Variants in DCP1B observed in about 807,000 individuals in gnomAD.
The protein encoded by DCP1B is decapping mRNA 1B.
A neutral mutation model predicts 60.5 loss-of-function variants in DCP1B; 47 were observed. The observed-to-expected ratio is 0.78, with a 90% CI of 0.61 to 0.99. The LOEUF (loss-of-function observed/expected upper bound fraction) is 0.99. Among genes scored for constraint, DCP1B ranks in the 50% least tolerant of loss-of-function variants. The pLI is 0.00. For synonymous variants in DCP1B, 267 were observed against 280.3 expected, an observed-to-expected ratio of 0.95 and a Z score of 0.47; for missense variants, 725 against 756.8, an observed-to-expected ratio of 0.96 and a Z score of 0.49.
chr12:1,986,156 T>C (rs1284780944), intron 3 of DCP1B, among the ~76,000 whole-genome samples: 2 of 152,248 alleles, frequency 1.3e-5, no homozygotes, highest in East Asian at 1.9e-4. Flanking sequence ...CCTATACATA[T>C]ACTAGTCTGA....
downstream of DCP1B, among the ~76,000 whole-genome samples, chr12:1,942,704 C>T (rs1346445398): frequency 2.0e-5 from 3 of 152,064 alleles, no homozygotes; most frequent in African/African-American, 7.3e-5. Flanking sequence ...GGGTAAATAA[C>T]GAAATTAAGG....
chr12:1,965,739 CACAA>C (rs746997302), intron 4 of DCP1B, 46 bp from the exon 5 acceptor site: 2 of 1,577,956 alleles, frequency 1.3e-6, no homozygotes. Context: ...GCCAATTCAA[CACAA>C]ACAATGTTTA....
In DCP1B at chr12:1,953,073, C is replaced by G; in HGVS notation, c.867G>C (p.Gln289His). Residue 289 changes from glutamine (Q) to histidine (H), a missense_variant, in exon 7 of 9, where the codon CAG (glutamine) becomes CAC (histidine). Coordinates refer to ENST00000280665, the MANE Select transcript of DCP1B (RefSeq NM_152640.5). ...TGAGTTTCTGAATGGCTGGACAGAGCTGCTTCTCAATGGGGGGTGAGTGTC... is the reference window on the plus strand; with the variant it reads ...TGAGTTTCTGAATGGCTGGACAGAGGTGCTTCTCAATGGGGGGTGAGTGTC... ...PRRHSPPIEK[Q>H]LCPAIQKLMV... The G allele has an allele frequency of 3.1e-6, 5 of 1,614,158 alleles. No homozygotes were observed. The highest frequency in any genetic ancestry group is 3.4e-6 in the Non-Finnish European group (4 of 1,180,028).
At position 1,952,872 on chromosome 12, in the gene DCP1B, G is replaced by A. The variant is rs768401152; in HGVS notation, c.1068C>T (p.Phe356=). 24 of 1,614,000 alleles carry A rather than the reference G, an allele frequency of 1.5e-5. No homozygotes were observed. The highest frequency in any genetic ancestry group is 6.6e-5 in the South Asian group (6 of 91,072). ...VQNASRTQNL[F]EKLQSTPGAA... Reference sequence around the variant, plus strand: ...CCCCTGGGGTACTCTGAAGTTTCTCGAACAGGTTCTGAGTTCTGGAAGCAT... The same window carrying A: ...CCCCTGGGGTACTCTGAAGTTTCTCAAACAGGTTCTGAGTTCTGGAAGCAT... The change falls in exon 7 of 9, where the codon TTC becomes TTT. Residue 356 remains phenylalanine (F), a synonymous_variant. Coordinates refer to ENST00000280665, the MANE Select transcript of DCP1B (RefSeq NM_152640.5).
chr12:2,001,154 T>A (rs143746599), intron 1 of DCP1B, among the ~76,000 whole-genome samples: 38 of 152,330 alleles, frequency 2.5e-4, no homozygotes, highest in African/African-American at 9.1e-4. Flanking sequence ...ACATTTCTGT[T>A]CTATTACAGC....
chr12:1,967,439 G>A (rs550836669), intron 4 of DCP1B, among the ~76,000 whole-genome samples: 1 of 152,060 alleles, frequency 6.6e-6, no homozygotes, highest in East Asian at 1.9e-4. Context: ...GAAAGCATCT[G>A]GGGGATGAAG....
intron 5 of DCP1B, among the ~76,000 whole-genome samples, chr12:1,964,179 C>T (rs2031218298): frequency 6.6e-6 from 1 of 152,098 alleles, no homozygotes; most frequent in Non-Finnish European, 1.5e-5. Context: ...TGAAGTCACT[C>T]TAATTTTTTT....
chr12:1,944,789 T>C (rs559464807), downstream of DCP1B, among the ~76,000 whole-genome samples: 4 of 126,198 alleles, frequency 3.2e-5, no homozygotes, highest in South Asian at 9.2e-4. Context: ...TAACTCAAGA[T>C]GGATTAAAGA....
chr12:1,974,937 A>G (rs75123960), intron 3 of DCP1B, among the ~76,000 whole-genome samples: 282 of 152,280 alleles, frequency 1.9e-3, no homozygotes, highest in African/African-American at 6.4e-3. Context: ...ATTTGTTCCA[A>G]TGAAGAACAG....
At chr12:1,993,660 AC>A (rs1434843362) in intron 2 of DCP1B, among the ~76,000 whole-genome samples, 1 of 81,854 alleles carries the variant, frequency 1.2e-5, no homozygotes, top group Non-Finnish European at 2.5e-5. Context: ...GTGTGTGTAT[AC>A]AGATGTTGTT....
At chr12:1,996,662 AC>A (rs2040992218) in intron 2 of DCP1B, among the ~76,000 whole-genome samples, 5 of 104,028 alleles carry the variant, frequency 4.8e-5, no homozygotes, top group Admixed American at 9.8e-5. Flanking sequence ...AAAACAACAA[AC>A]TCTTCTAATG....
In DCP1B at chr12:1,991,645, A is replaced by G. The variant is rs115349357; in HGVS notation, c.319+1619T>C. The stretch of plus-strand genomic sequence containing the variant: ...CACACTTCAGGTACTAAACGGCCAC[A>G]GTAGTTAGTGACTATCATAGTGGAC... On this transcript the variant is annotated intron_variant, in intron 3 of 8. Coordinates refer to ENST00000280665, the MANE Select transcript of DCP1B (RefSeq NM_152640.5). The G allele has an allele frequency of 7.0e-3, 1,284 of 183,898 alleles. 13 individuals are homozygous for G. Among genetic ancestry groups the G allele is most frequent in the African/African-American group, 0.029 (1,206 of 41,778 alleles). 11.4% of individuals were successfully genotyped at this position (183,898 alleles called of 1,614,324 possible).
chr12:2,000,791 CT>C (rs2042009887), intron 1 of DCP1B, among the ~76,000 whole-genome samples: 1 of 152,212 alleles, frequency 6.6e-6, no homozygotes, highest in Non-Finnish European at 1.5e-5. Flanking sequence ...AACCCCAGCA[CT>C]TTGGGAGGCC....
In DCP1B at chr12:1,995,494, C is replaced by T. The variant is rs1021128025; in HGVS notation, c.192-2103G>A. Among the ~76,000 whole-genome samples the T allele has an allele frequency of 2.6e-5, 4 of 152,374 alleles. No individual in the cohort carries two copies. The East Asian group carries it at 7.7e-4, about 29-fold the overall frequency. On this transcript the variant is annotated intron_variant, in intron 2 of 8. Coordinates refer to ENST00000280665, the MANE Select transcript of DCP1B (RefSeq NM_152640.5). ...AATGTAGACTCATATACCAACGGTT[C>T]TTGGGTACTCCACTGCTCTTCTGAG...
intron 1 of DCP1B, among the ~76,000 whole-genome samples, chr12:2,001,467 G>C (rs2154479102): frequency 6.6e-6 from 1 of 152,192 alleles, no homozygotes; most frequent in African/African-American, 2.4e-5. Context: ...ACCCAAAATG[G>C]AATATAAAAT....
chr12:1,992,859 G>A (rs1444343128), intron 3 of DCP1B: 8 of 405,442 alleles, frequency 2.0e-5, no homozygotes, highest in East Asian at 4.1e-5. Flanking sequence ...CAGCTCACTC[G>A]GCCAAAAGTG....
chr12:1,946,055 TA>T lies in DCP1B; in HGVS notation c.*150del. 2.0e-4 allele frequency: 113 copies of T among 564,512 alleles called. No homozygotes were observed. Among genetic ancestry groups the T allele is most frequent in the Middle Eastern group, 8.2e-4 (2 of 2,430 alleles). The allele number at this position is 564,512 out of a possible 1,614,324, so 35.0% of individuals were successfully genotyped here. ...ATAATAATTAAAAAACACTTGAGTA[TA>T]AAAAAAAGTCTGAAACATTTTACTT... On this transcript the variant is annotated 3_prime_UTR_variant, in exon 9 of 9. Coordinates refer to ENST00000280665, the MANE Select transcript of DCP1B (RefSeq NM_152640.5).
In DCP1B at chr12:1,955,513, G is replaced by C. The variant is rs765995440; in HGVS notation, c.570C>G (p.Ile190Met). 24 of 1,613,806 alleles carry C rather than the reference G, an allele frequency of 1.5e-5. 1 individual carries two copies. The South Asian group carries it at 2.4e-4, about 16-fold the overall frequency. ...EPKKITSSSA[I>M]YDNPNLIKPI... ...GTTTGATGAGATTTGGATTGTCATA[G>C]ATGGCAGAGGAACTGGTTATCTTTT... Residue 190 changes from isoleucine to methionine, a missense_variant, in exon 6 of 9, where the codon ATC becomes ATG. Ile to Met is a conservative substitution (Grantham distance 10, BLOSUM62 1). Transcript: ENST00000280665.
At chr12:1,978,763 T>C (rs2035192882) in intron 3 of DCP1B, among the ~76,000 whole-genome samples, 1 of 152,238 alleles carries the variant, frequency 6.6e-6, no homozygotes, top group Non-Finnish European at 1.5e-5. Context: ...CAACTTCATA[T>C]AAACTTCATA....
Sources: gnomAD v4.1 joint callset for allele counts (sites outside exome capture counted in the v4.1 genomes callset) on GRCh38, gnomAD v4.1.1 for gene constraint, MANE v1.5 for transcripts, NCBI Gene and HGNC (gene_info 2026-07-23, HGNC 2026-07-21) for gene names.